The following PCSK5 variants were observed in gnomAD, a reference collection of about 807,000 sequenced individuals.
The protein encoded by PCSK5 is prohormone convertase 5.
PCSK5 carries 129 observed loss-of-function variants against 233.2 expected under a neutral mutation model. The ratio of observed to expected loss-of-function variants is 0.55; its 90% CI spans 0.48 to 0.64. PCSK5 has a LOEUF of 0.64. Among genes scored for constraint, PCSK5 ranks in the 30% least tolerant of loss-of-function variants. The pLI is 0.00. For missense variants in PCSK5, 2,076 were observed against 2,430.1 expected (o/e 0.85, Z 3.06); for synonymous variants, 825 against 879.2 (o/e 0.94, Z 1.09).
At chr9:76,047,717 G>C (rs1829472956) in intron 5 of PCSK5, among the ~76,000 whole-genome samples, 2 of 152,118 alleles carry the variant, frequency 1.3e-5, no homozygotes, top group Admixed American at 1.3e-4. Context: ...GGCGTTGTGA[G>C]GAGAAAACAT....
At chr9:76,162,245 C>G (rs1356016838) in intron 12 of PCSK5, among the ~76,000 whole-genome samples, 2 of 152,164 alleles carry the variant, frequency 1.3e-5, no homozygotes, top group East Asian at 3.9e-4. Flanking sequence ...ACACTGGTAG[C>G]GTCCCTCCTA....
chr9:76,282,061 T>C (rs1827884742), intron 24 of PCSK5, among the ~76,000 whole-genome samples: 1 of 145,382 alleles, frequency 6.9e-6, no homozygotes, highest in Non-Finnish European at 1.5e-5. Flanking sequence ...CATTTTTTTC[T>C]TTCTTTTTTT....
intron 6 of PCSK5, among the ~76,000 whole-genome samples, chr9:76,071,419 T>TG (rs1830476730): frequency 6.6e-6 from 1 of 152,170 alleles, no homozygotes; most frequent in South Asian, 2.1e-4. Context: ...AAGATCTCTT[T>TG]GTCAAGTACT....
intron 10 of PCSK5, among the ~76,000 whole-genome samples, chr9:76,150,418 G>A (rs568182741): frequency 6.6e-6 from 1 of 152,300 alleles, no homozygotes; most frequent in East Asian, 1.9e-4. Context: ...CGGATCACCT[G>A]AGGTCAGGAG....
At position 76,338,088 on chromosome 9, in the gene PCSK5, T is replaced by C. The variant is rs139792769; in HGVS notation, c.4749-142T>C. The C allele has an allele frequency of 1.3e-4, 82 of 629,898 alleles. No individual in the cohort carries two copies. The Middle Eastern group carries it at 2.1e-3, about 16-fold the overall frequency. The allele number at this position is 629,898 out of a possible 1,614,324, so 39.0% of individuals were successfully genotyped here. A position where few individuals can be genotyped will look rare whatever the true frequency, so the allele number is the denominator to read the frequency against. On this transcript the variant is annotated intron_variant, in intron 34 of 37. Coordinates refer to ENST00000674117, the MANE Select transcript of PCSK5 (RefSeq NM_001372043.1). ...TGGGAATCATTGGATTCATTAGTGT[T>C]ATTAGCAATGAATCTAATGAGTAAG...
In PCSK5 at chr9:76,296,827, A is replaced by G. The variant is rs767161218; in HGVS notation, c.3485A>G (p.His1162Arg). 6.8e-6 allele frequency: 11 copies of G among 1,612,382 alleles called. No homozygotes were observed. Among genetic ancestry groups the G allele is most frequent in the African/African-American group, 1.3e-5 (1 of 74,874 alleles). The part of the protein sequence containing the change: ...GLQLLRGMCV[H>R]ATKTQEEGKF... The stretch of plus-strand genomic sequence containing the variant: ...CAGCTGCTGCGTGGGATGTGCGTGC[A>G]TGCCACCAAGACCCAGGAGGAGGGC... The change falls in exon 27 of 38, where the codon CAT becomes CGT. Residue 1162 changes from histidine (H) to arginine (R), a missense_variant. By Grantham distance (29) the His-to-Arg change is conservative. This residue lies in a region of PCSK5 where 1,510 missense variants were observed against 1,538.1 expected (regional missense o/e 0.98). Coordinates refer to ENST00000674117, the MANE Select transcript of PCSK5 (RefSeq NM_001372043.1).
chr9:76,272,801 A>AAAAT (rs1827562926), intron 24 of PCSK5, among the ~76,000 whole-genome samples: 8 of 149,520 alleles, frequency 5.4e-5, no homozygotes, highest in Admixed American at 2.0e-4. Context: ...AAAAAAAAAA[A>AAAAT]ATTCACACTC....
chr9:76,249,949 G>C (rs1450238621), intron 24 of PCSK5, among the ~76,000 whole-genome samples: 1 of 152,108 alleles, frequency 6.6e-6, no homozygotes. Context: ...TAAGTAAATA[G>C]GAAGGAGGCG....
chr9:75,932,507 G>T lies in PCSK5; in HGVS notation c.297+24G>T, dbSNP rs74708069. The T allele has an allele frequency of 3.2e-4, 442 of 1,365,470 alleles. 1 individual carries two copies. The African/African-American group carries it at 5.9e-3, about 18-fold the overall frequency. 84.6% of individuals were successfully genotyped at this position (1,365,470 alleles called of 1,614,324 possible). ...AGGTAAGAAGAACCAGTTGCGTGGG[G>T]ACCAAGAGGCAAAGCTTCTGCATTT... is the stretch of plus-strand genomic sequence containing the variant. On this transcript the variant is annotated intron_variant, in intron 2 of 37. Transcript: ENST00000674117.
At chr9:76,043,121 C>T (rs1194200568) in intron 5 of PCSK5, among the ~76,000 whole-genome samples, 4 of 151,972 alleles carry the variant, frequency 2.6e-5, no homozygotes, top group African/African-American at 4.8e-5. Flanking sequence ...CCGAGGCGGG[C>T]GGATCACAGG....
At chr9:76,130,325 A>G (rs1388961630) in intron 9 of PCSK5, among the ~76,000 whole-genome samples, 2 of 152,158 alleles carry the variant, frequency 1.3e-5, no homozygotes, top group African/African-American at 2.4e-5. Flanking sequence ...CCATTTGTCA[A>G]AGAACTTCCT....
At chr9:76,006,913 T>A (rs1827502684) in intron 3 of PCSK5, among the ~76,000 whole-genome samples, 1 of 152,212 alleles carries the variant, frequency 6.6e-6, no homozygotes, top group African/African-American at 2.4e-5. Context: ...AGACTTTTTT[T>A]CTTGAAGTGT....
chr9:76,189,196 C>T lies in PCSK5; in HGVS notation c.2483C>T (p.Ser828Leu), dbSNP rs1287623523. The change falls in exon 19 of 38, where the codon TCA becomes TTA. Residue 828 changes from serine to leucine, a missense_variant. Transcript: ENST00000674117. Reference protein sequence around the residue: ...CSISYYFDHSSENGYKSCKKC... With the variant: ...CSISYYFDHSLENGYKSCKKC... ...ATCAGCTATTACTTTGACCACTCTTCAGAGAATGGATACAAATCCTGCAAA... is the reference window on the plus strand; with the variant it reads ...ATCAGCTATTACTTTGACCACTCTTTAGAGAATGGATACAAATCCTGCAAA... 2 of 1,612,938 alleles carry T rather than the reference C, an allele frequency of 1.2e-6. No homozygotes were observed. Among genetic ancestry groups the T allele is most frequent in the Non-Finnish European group, 1.7e-6 (2 of 1,179,638 alleles).
At chr9:75,911,682 C>T (rs1822745481) in intron 1 of PCSK5, among the ~76,000 whole-genome samples, 1 of 152,122 alleles carries the variant, frequency 6.6e-6, no homozygotes, top group African/African-American at 2.4e-5. Flanking sequence ...TCTAGGATGG[C>T]TTCACTCACA....
rs181685952 is a variant in PCSK5 at position 76,356,325 on chromosome 9, A to T, written c.5254+2106A>T. Among the ~76,000 whole-genome samples, 20 of 152,302 alleles carry T rather than the reference A, an allele frequency of 1.3e-4. No homozygotes were observed. The East Asian group carries it at 3.7e-3, about 28-fold the overall frequency. On this transcript the variant is annotated intron_variant, in intron 37 of 37. Coordinates refer to ENST00000674117, the MANE Select transcript of PCSK5 (RefSeq NM_001372043.1). Reference sequence around the variant, plus strand: ...ACCTGCAGCAATCTGCGAAAGTATAAATGCTCTTGATTACCTGATCCTTCT... The same window carrying T: ...ACCTGCAGCAATCTGCGAAAGTATATATGCTCTTGATTACCTGATCCTTCT...
intron 24 of PCSK5, among the ~76,000 whole-genome samples, chr9:76,243,055 C>A (rs1337662554): frequency 6.6e-6 from 1 of 152,318 alleles, no homozygotes; most frequent in Non-Finnish European, 1.5e-5. Flanking sequence ...TCATTCTCCA[C>A]TTAGCTGACC....
At chr9:76,316,413 T>C (rs1395362471) in intron 30 of PCSK5, among the ~76,000 whole-genome samples, 2 of 152,024 alleles carry the variant, frequency 1.3e-5, no homozygotes, top group Non-Finnish European at 2.9e-5. Flanking sequence ...ACAGGAACAA[T>C]GAATCCATCA....
chr9:76,214,711 A>G (rs979049355), intron 20 of PCSK5, among the ~76,000 whole-genome samples: 1 of 152,228 alleles, frequency 6.6e-6, no homozygotes, highest in Admixed American at 6.5e-5. Context: ...TAATCATGAA[A>G]TAAGTGTTAG....
chr9:76,046,160 G>GTTTTTTTCTTTTTTTT (rs1829368313), intron 5 of PCSK5, among the ~76,000 whole-genome samples: 1 of 58,024 alleles, frequency 1.7e-5, no homozygotes, highest in Non-Finnish European at 3.1e-5. Context: ...TTTTTCTTTT[G>GTTTTTTTCTTTTTTTT]TTTTTTTTTT....
Sources: gnomAD v4.1 joint callset for allele counts (sites outside exome capture counted in the v4.1 genomes callset) on GRCh38, gnomAD v4.1.1 for gene constraint, gnomAD v4.1.1 regional missense constraint, MANE v1.5 for transcripts, NCBI Gene and HGNC (gene_info 2026-07-23, HGNC 2026-07-21) for gene names.